The following ZFPM2 variants were observed in gnomAD, a reference collection of about 807,000 sequenced individuals.
The protein encoded by ZFPM2 is zinc finger protein ZFPM2.
Under a neutral mutation model 98.6 loss-of-function variants are expected in ZFPM2, and 20 were observed. The observed-to-expected ratio is 0.20, with a 90% CI of 0.14 to 0.29. ZFPM2 has a LOEUF of 0.29. Ranked by LOEUF, ZFPM2 falls within the 10% of genes least tolerant of loss-of-function variation. ZFPM2 has a pLI of 1.00. For missense variants in ZFPM2, 1,310 were observed against 1,388.6 expected (o/e 0.94, Z 0.90); for synonymous variants, 518 against 502.7 (o/e 1.03, Z -0.41).
chr8:105,415,749 T>TA (rs1382952597), intron 1 of ZFPM2, among the ~76,000 whole-genome samples: 1 of 152,064 alleles, frequency 6.6e-6, no homozygotes, highest in African/African-American at 2.4e-5. Flanking sequence ...CCATAAATAT[T>TA]ATGCATTTTA....
chr8:105,497,677 G>A (rs1454026643), intron 3 of ZFPM2, among the ~76,000 whole-genome samples: 1 of 152,024 alleles, frequency 6.6e-6, no homozygotes, highest in East Asian at 1.9e-4. Context: ...AGAACACTTT[G>A]TTTCTCTTTT....
At chr8:105,744,276 T>C (rs1356238459) in intron 5 of ZFPM2, among the ~76,000 whole-genome samples, 1 of 152,088 alleles carries the variant, frequency 6.6e-6, no homozygotes, top group East Asian at 1.9e-4. Flanking sequence ...GCACAAAATA[T>C]GTGTGAGCAC....
At position 105,318,977 on chromosome 8, in the gene ZFPM2, C is replaced by A; in HGVS notation, c.36C>A (p.Ile12=). The A allele has an allele frequency of 6.7e-7, 1 of 1,489,302 alleles. No homozygotes were observed. Among genetic ancestry groups the A allele is most frequent in the South Asian group, 1.3e-5 (1 of 78,340 alleles). 92.3% of individuals were successfully genotyped at this position (1,489,302 alleles called of 1,614,324 possible). ...GAAAGCAAAGCAAACCCCGGCAGAT[C>A]AAACGTAAGTTTGCGCGCGGGGCCG... ...SRRKQSKPRQ[I]KRPLEDAIED... is the part of the protein sequence containing the mutation. Residue 12 remains isoleucine (I), a synonymous_variant, in exon 1 of 8, where the codon ATC becomes ATA. Transcript: ENST00000407775.
At chr8:105,409,614 G>A (rs1339561867) in intron 1 of ZFPM2, among the ~76,000 whole-genome samples, 1 of 151,836 alleles carries the variant, frequency 6.6e-6, no homozygotes, top group African/African-American at 2.4e-5. Flanking sequence ...TGTATAAACT[G>A]TAAATTATTG....
intron 4 of ZFPM2, among the ~76,000 whole-genome samples, chr8:105,577,182 G>A (rs1054976704): frequency 2.6e-5 from 4 of 152,096 alleles, no homozygotes; most frequent in Non-Finnish European, 5.9e-5. Flanking sequence ...CTTCTAAAAT[G>A]TGGGATACAA....
chr8:105,326,854 A>G (rs1159182175), intron 1 of ZFPM2, among the ~76,000 whole-genome samples: 2 of 150,448 alleles, frequency 1.3e-5, no homozygotes, highest in African/African-American at 4.9e-5. Flanking sequence ...AAATATATAT[A>G]TATATATAAA....
At chr8:105,571,156 T>C (rs1007264549) in intron 4 of ZFPM2, among the ~76,000 whole-genome samples, 1 of 152,222 alleles carries the variant, frequency 6.6e-6, no homozygotes, top group African/African-American at 2.4e-5. Flanking sequence ...TATTGATTTA[T>C]AGCTCCAGAT....
chr8:105,415,540 T>C (rs1277019712), intron 1 of ZFPM2, among the ~76,000 whole-genome samples: 1 of 152,080 alleles, frequency 6.6e-6, no homozygotes, highest in Non-Finnish European at 1.5e-5. Context: ...GTGATTTTTC[T>C]GAAGTGGACT....
Position 105,801,838 on chromosome 8 carries a change from A to C in ZFPM2, c.1756A>C (p.Ser586Arg), listed in dbSNP as rs751291593. Residue 586 changes from serine to arginine, a missense_variant, in exon 8 of 8, where the codon AGT becomes CGT. By Grantham distance (110) the Ser-to-Arg change is moderately radical. Coordinates refer to ENST00000407775, the MANE Select transcript of ZFPM2 (RefSeq NM_012082.4). The part of the protein sequence containing the change: ...QQMAKSPEFP[S>R]VSEKMPEALS... ...GATGGCTAAGTCCCCAGAGTTCCCT[A>C]GTGTGTCAGAAAAGATGCCTGAAGC... 2 of 1,613,994 alleles carry C rather than the reference A, an allele frequency of 1.2e-6. No homozygotes were observed. The highest frequency in any genetic ancestry group is 1.7e-5 in the Admixed American group (1 of 60,020).
chr8:105,335,871 C>A (rs879488434), intron 1 of ZFPM2, among the ~76,000 whole-genome samples: 2 of 151,786 alleles, frequency 1.3e-5, no homozygotes, highest in Admixed American at 1.3e-4. Flanking sequence ...GTATTCTGAT[C>A]AAATGGTGCT....
intron 5 of ZFPM2, among the ~76,000 whole-genome samples, chr8:105,656,345 G>A (rs926627244): frequency 6.6e-6 from 1 of 152,096 alleles, no homozygotes; most frequent in African/African-American, 2.4e-5. Flanking sequence ...TAACTTACCA[G>A]TACATTTCTG....
intron 5 of ZFPM2, among the ~76,000 whole-genome samples, chr8:105,670,271 C>T (rs1326215469): frequency 6.6e-6 from 1 of 151,782 alleles, no homozygotes; most frequent in African/African-American, 2.4e-5. Flanking sequence ...CCAAGGCGGG[C>T]GGGTCACAAG....
At chr8:105,674,587 A>G (rs1817654379) in intron 5 of ZFPM2, among the ~76,000 whole-genome samples, 1 of 152,190 alleles carries the variant, frequency 6.6e-6, no homozygotes, top group Non-Finnish European at 1.5e-5. Context: ...TTTAAAAGGC[A>G]TTCCCTATGT....
chr8:105,486,985 AACTCACAAGTCTGATGAAGT>A (rs1472273099), intron 3 of ZFPM2, among the ~76,000 whole-genome samples: 1 of 152,198 alleles, frequency 6.6e-6, no homozygotes, highest in Non-Finnish European at 1.5e-5. Flanking sequence ...AATTAGGATA[AACTCACAAGTCTGATGAAGT>A]ACTCACAGTG....
At chr8:105,651,634 A>C (rs1029222381) in intron 5 of ZFPM2, among the ~76,000 whole-genome samples, 1 of 152,100 alleles carries the variant, frequency 6.6e-6, no homozygotes, top group Non-Finnish European at 1.5e-5. Flanking sequence ...CCCTGTCCCC[A>C]TAAGAAGAAA....
intron 5 of ZFPM2, among the ~76,000 whole-genome samples, chr8:105,725,578 A>G (rs1303005166): frequency 6.6e-6 from 1 of 151,748 alleles, no homozygotes; most frequent in African/African-American, 2.4e-5. Flanking sequence ...TCAGGCATAA[A>G]TCAGGATGTA....
intron 6 of ZFPM2, 165 bp downstream of exon 6, chr8:105,789,089 C>CT (rs890257501): frequency 0.032 from 15,242 of 473,268 alleles, no homozygotes; most frequent in South Asian, 0.041. Context: ...AATGATGTTA[C>CT]TTTTTTTTTT....
At chr8:105,486,358 G>T (rs996498061) in intron 3 of ZFPM2, among the ~76,000 whole-genome samples, 7 of 151,936 alleles carry the variant, frequency 4.6e-5, no homozygotes, top group African/African-American at 1.7e-4. Flanking sequence ...TGTGTGTATG[G>T]TGTCTGTTTG....
intron 5 of ZFPM2, among the ~76,000 whole-genome samples, chr8:105,636,681 A>T (rs2130843809): frequency 6.6e-6 from 1 of 152,260 alleles, no homozygotes; most frequent in Admixed American, 6.5e-5. Flanking sequence ...GTAAATATAG[A>T]TTGGTTGACC....
Sources: gnomAD v4.1 joint callset for allele counts (sites outside exome capture counted in the v4.1 genomes callset) on GRCh38, gnomAD v4.1.1 for gene constraint, MANE v1.5 for transcripts, NCBI Gene and HGNC (gene_info 2026-07-23, HGNC 2026-07-21) for gene names.